The following CDC14A variants were observed in gnomAD, a reference collection of about 807,000 sequenced individuals.
The protein encoded by CDC14A is dual specificity protein phosphatase CDC14A.
A neutral mutation model predicts 74.4 loss-of-function variants in CDC14A; 53 were observed. That is an observed-to-expected ratio of 0.71 (90% CI 0.57 to 0.89). CDC14A has a LOEUF of 0.89. Ranked by LOEUF, CDC14A falls within the 40% of genes least tolerant of loss-of-function variation. The pLI is 0.00. For missense variants in CDC14A, 646 were observed against 713.7 expected (o/e 0.91, Z 1.08); for synonymous variants, 247 against 258.4 (o/e 0.96, Z 0.43).
chr1:100,428,014 T>A (rs369471220), intron 5 of CDC14A, among the ~76,000 whole-genome samples: 9 of 152,308 alleles, frequency 5.9e-5, no homozygotes, highest in African/African-American at 2.2e-4. Flanking sequence ...TTTATTCGTA[T>A]GGCATAGGTT....
intron 4 of CDC14A, among the ~76,000 whole-genome samples, chr1:100,399,919 A>G (rs1427327535): frequency 6.6e-6 from 1 of 152,176 alleles, no homozygotes; most frequent in Admixed American, 6.5e-5. Context: ...ACAGACTACT[A>G]GAAATCATGC....
intron 1 of CDC14A, 126 bp downstream of exon 1, chr1:100,353,129 C>G: frequency 1.0e-6 from 1 of 962,422 alleles, no homozygotes; most frequent in Non-Finnish European, 1.6e-6. Context: ...GCTCTCGTCC[C>G]CTCTAGGGAC....
chr1:100,357,721 G>A (rs1414565146), intron 2 of CDC14A, among the ~76,000 whole-genome samples: 1 of 143,732 alleles, frequency 7.0e-6, no homozygotes, highest in African/African-American at 2.6e-5. Context: ...GCCAGCCTGA[G>A]CAACATAGTG....
intron 5 of CDC14A, among the ~76,000 whole-genome samples, chr1:100,438,712 G>C (rs1359478955): frequency 6.6e-6 from 1 of 152,216 alleles, no homozygotes; most frequent in Non-Finnish European, 1.5e-5. Flanking sequence ...CTAGTTTTAT[G>C]TTAGGCTTTC....
chr1:100,437,787 C>T (rs1400820484), intron 5 of CDC14A, among the ~76,000 whole-genome samples: 1 of 151,988 alleles, frequency 6.6e-6, no homozygotes, highest in African/African-American at 2.4e-5. Flanking sequence ...TGGTAGCTTA[C>T]ATTAGTGACA....
chr1:100,376,520 G>C (rs1655284225), intron 2 of CDC14A, among the ~76,000 whole-genome samples: 1 of 152,142 alleles, frequency 6.6e-6, no homozygotes, highest in Non-Finnish European at 1.5e-5. Flanking sequence ...AGGAAAGATG[G>C]GTTGAGTTTT....
chr1:100,501,603 AT>A (rs1380636964), intron 15 of CDC14A, among the ~76,000 whole-genome samples: 5 of 152,222 alleles, frequency 3.3e-5, no homozygotes, highest in African/African-American at 1.2e-4. Context: ...TTACTGGCCT[AT>A]GTATATACTA....
chr1:100,393,978 G>T, intron 4 of CDC14A: 3 of 231,808 alleles, frequency 1.3e-5, no homozygotes, highest in South Asian at 5.4e-5. Flanking sequence ...TATATATATA[G>T]CAGTGCATCC....
At chr1:100,514,575 A>G (rs929255035) in intron 15 of CDC14A, among the ~76,000 whole-genome samples, 2 of 152,158 alleles carry the variant, frequency 1.3e-5, no homozygotes, top group African/African-American at 4.8e-5. Context: ...TATGGTAGCT[A>G]AGGGTTTGAG....
At chr1:100,382,211 C>CTTTTTTTT (rs557184435) in intron 3 of CDC14A, among the ~76,000 whole-genome samples, 13 of 105,116 alleles carry the variant, frequency 1.2e-4, no homozygotes, top group East Asian at 2.7e-4. Flanking sequence ...TTCCTCTATT[C>CTTTTTTTT]TTTTTTTTTT....
chr1:100,420,063 C>CACACACACAT, intron 4 of CDC14A, among the ~76,000 whole-genome samples: 4 of 61,598 alleles, frequency 6.5e-5, no homozygotes, highest in East Asian at 1.1e-3. Flanking sequence ...CACACACACA[C>CACACACACAT]ATATATATAT....
intron 15 of CDC14A, chr1:100,505,016 A>G (rs1429304197): frequency 1.6e-6 from 2 of 1,275,840 alleles, no homozygotes; most frequent in Non-Finnish European, 2.1e-6. Flanking sequence ...ATATTTGTTT[A>G]CATATTGTCT....
chr1:100,496,571 G>C (rs1557828589), intron 13 of CDC14A, among the ~76,000 whole-genome samples: 1 of 152,204 alleles, frequency 6.6e-6, no homozygotes, highest in Admixed American at 6.5e-5. Flanking sequence ...CACTCAGTGA[G>C]AGCAGCAGAG....
chr1:100,380,815 TTACTC>T (rs1244900012), intron 3 of CDC14A, among the ~76,000 whole-genome samples: 2 of 152,208 alleles, frequency 1.3e-5, no homozygotes, highest in African/African-American at 2.4e-5. Flanking sequence ...GCCTTGCACT[TTACTC>T]TACCATACCA....
At chr1:100,457,429 G>A (rs1666817457) in intron 8 of CDC14A, among the ~76,000 whole-genome samples, 1 of 151,968 alleles carries the variant, frequency 6.6e-6, no homozygotes, top group African/African-American at 2.4e-5. Flanking sequence ...CCATATGACT[G>A]TGCCATATTG....
chr1:100,496,223 AT>A lies in CDC14A; in HGVS notation c.1298+189del, dbSNP rs149672640. On this transcript the variant is annotated intron_variant, in intron 13 of 15. Transcript: ENST00000336454. ...ATTTTTAATGCTCACCATGAAAAGG[AT>A]TTTTTTTTTTTTTTGCTGGCATGCC... Among the ~76,000 whole-genome samples, 1,804 of 144,374 alleles carry A rather than the reference AT, an allele frequency of 0.012. 24 individuals are homozygous for A. Among genetic ancestry groups the A allele is most frequent in the African/African-American group, 0.03 (1,189 of 39,702 alleles). 94.7% of individuals were successfully genotyped at this position (144,374 alleles called of 152,430 possible). A position where few individuals can be genotyped will look rare whatever the true frequency, so the allele number is the denominator to read the frequency against.
chr1:100,409,220 A>G (rs921767437), intron 4 of CDC14A, among the ~76,000 whole-genome samples: 6 of 152,138 alleles, frequency 3.9e-5, no homozygotes, highest in African/African-American at 1.4e-4. Context: ...TTCATTCACT[A>G]TCACAAACAT....
intron 15 of CDC14A, among the ~76,000 whole-genome samples, chr1:100,506,053 G>A (rs1284160373): frequency 6.6e-6 from 1 of 152,138 alleles, no homozygotes; most frequent in Non-Finnish European, 1.5e-5. Flanking sequence ...AGCCATTCAT[G>A]AAGGATCCAC....
At chr1:100,472,274 G>C (rs1668468873) in intron 10 of CDC14A, among the ~76,000 whole-genome samples, 1 of 152,162 alleles carries the variant, frequency 6.6e-6, no homozygotes, top group Non-Finnish European at 1.5e-5. Flanking sequence ...ATATACCTGT[G>C]AGTGGAACAG....
Sources: gnomAD v4.1 joint callset for allele counts (sites outside exome capture counted in the v4.1 genomes callset) on GRCh38, gnomAD v4.1.1 for gene constraint, MANE v1.5 for transcripts, NCBI Gene and HGNC (gene_info 2026-07-23, HGNC 2026-07-21) for gene names.